Variants in RECQL5 observed in about 807,000 individuals in gnomAD.
RECQL5 encodes the protein ATP-dependent DNA helicase Q5.
Under a neutral mutation model 103.4 loss-of-function variants are expected in RECQL5, and 88 were observed. That is an observed-to-expected ratio of 0.85 (90% CI 0.72 to 1.02). The LOEUF (loss-of-function observed/expected upper bound fraction) is 1.02. RECQL5 is among the 50% of genes least tolerant of loss of function. The pLI is 0.00. For missense variants in RECQL5, 1,232 were observed against 1,284.3 expected (o/e 0.96, Z 0.62); for synonymous variants, 552 against 507.9 (o/e 1.09, Z -1.17).
chr17:75,647,329 G>A (rs1347751007), intron 8 of RECQL5: 4 of 1,491,750 alleles, frequency 2.7e-6, no homozygotes, highest in Non-Finnish European at 2.7e-6. Flanking sequence ...ACAGGGCCTG[G>A]GAGGGCTGCC....
Position 75,631,460 on chromosome 17 carries a change from C to T in RECQL5, c.1438G>A (p.Asp480Asn). ...TTCTCGGCCCCTTACCTGCTGAAGTCCCCGTAGCCCTTGCGGCCTCCCTCA... is the reference window on the plus strand; with the variant it reads ...TTCTCGGCCCCTTACCTGCTGAAGTTCCCGTAGCCCTTGCGGCCTCCCTCA... ...LYEGGRKGYG[D>N]FSRYDEGSGG... is the part of the protein sequence containing the mutation. The change falls in exon 9 of 20, where the codon GAC becomes AAC. Residue 480 changes from aspartate to asparagine, a missense_variant. Transcript: ENST00000317905. 6.2e-7 allele frequency: 1 copy of T among 1,609,970 alleles called. No homozygotes were observed. The highest frequency in any genetic ancestry group is 1.3e-5 in the African/African-American group (1 of 75,006).
chr17:75,640,718 G>A lies in RECQL5; in HGVS notation c.1230-9050C>T. 6.6e-7 allele frequency: 1 copy of A among 1,519,908 alleles called. No individual in the cohort carries two copies. Among genetic ancestry groups the A allele is most frequent in the Non-Finnish European group, 8.9e-7 (1 of 1,128,778 alleles). The allele number at this position is 1,519,908 out of a possible 1,614,324, so 94.2% of individuals were successfully genotyped here. A position where few individuals can be genotyped will look rare whatever the true frequency, so the allele number is the denominator to read the frequency against. ...GGGGAAAGACCCTGGCAGGCAGTGG[G>A]TTTCTCTGGGAGGAGGGTGGGCATC... On this transcript the variant is annotated intron_variant, in intron 8 of 19. Transcript: ENST00000317905. This position sits in a 1 kb window ranked among gnomAD's most constrained non-coding sequence, Gnocchi z 4.6.
intron 7 of RECQL5, among the ~76,000 whole-genome samples, chr17:75,652,924 A>T (rs1280544523): frequency 1.3e-5 from 2 of 151,108 alleles, no homozygotes; most frequent in Non-Finnish European, 3.0e-5. Context: ...TCTCATCTCC[A>T]CTCCTGCCTC....
At chr17:75,647,116 C>T (rs559817710) in intron 8 of RECQL5, among the ~76,000 whole-genome samples, 6 of 152,340 alleles carry the variant, frequency 3.9e-5, no homozygotes, top group Non-Finnish European at 8.8e-5. Flanking sequence ...CCAGGGGCAT[C>T]CCCTAGGAAG....
In RECQL5 at chr17:75,629,295, G is replaced by A; in HGVS notation, c.2128C>T (p.Pro710Ser). The part of the protein sequence containing the change: ...LLDEDGSEPL[P>S]GPRGEVPGGS... The stretch of plus-strand genomic sequence containing the variant: ...CCAGGGACCTCCCCTCTGGGCCCAG[G>A]GAGGGGCTCACTCCCATCCTCATCC... Residue 710 changes from proline to serine, a missense_variant, in exon 16 of 20, where the codon CCT becomes TCT. Physicochemically the swap from Pro to Ser is moderately conservative, Grantham distance 74. Coordinates refer to ENST00000317905, the MANE Select transcript of RECQL5 (RefSeq NM_004259.7). The A allele has an allele frequency of 6.3e-7, 1 of 1,588,070 alleles. No homozygotes were observed. The highest frequency in any genetic ancestry group is 8.6e-7 in the Non-Finnish European group (1 of 1,164,922).
intron 6 of RECQL5, among the ~76,000 whole-genome samples, chr17:75,660,074 GTTTGTTT>G (rs2059679461): frequency 1.3e-5 from 2 of 149,740 alleles, no homozygotes; most frequent in South Asian, 4.2e-4. Flanking sequence ...TGGTGTTTTT[GTTTGTTT>G]TTTAAGACAG....
In RECQL5 at chr17:75,629,282, C is replaced by G; in HGVS notation, c.2141G>C (p.Gly714Ala). 1.3e-6 allele frequency: 2 copies of G among 1,596,582 alleles called. No homozygotes were observed. The highest frequency in any genetic ancestry group is 1.7e-6 in the Non-Finnish European group (2 of 1,169,426). ...DGSEPLPGPR[G>A]EVPGGSAHYG... ...GTGAGCGCTGCCTCCAGGGACCTCC[C>G]CTCTGGGCCCAGGGAGGGGCTCACT... is the stretch of plus-strand genomic sequence containing the variant. The change falls in exon 16 of 20, where the codon GGG (glycine) becomes GCG (alanine). Residue 714 changes from glycine to alanine, a missense_variant. Transcript: ENST00000317905.
At position 75,627,224 on chromosome 17, in the gene RECQL5, G is replaced by A. The variant is rs557025138; in HGVS notation, c.*198C>T. 14 of 665,518 alleles carry A rather than the reference G, an allele frequency of 2.1e-5. No homozygotes were observed. The highest frequency in any genetic ancestry group is 2.0e-4 in the South Asian group (13 of 64,480). 41.2% of individuals were successfully genotyped at this position (665,518 alleles called of 1,614,324 possible). A position where few individuals can be genotyped will look rare whatever the true frequency, so the allele number is the denominator to read the frequency against. ...GGACCGCTCTGAGAAGGGTCTATAG[G>A]CTTTGCAAGCAGAAAGAAAGGTGGG... On this transcript the variant is annotated 3_prime_UTR_variant, in exon 20 of 20. Transcript: ENST00000317905.
chr17:75,629,238 C>G lies in RECQL5; in HGVS notation c.2185G>C (p.Glu729Gln), dbSNP rs779066346. ...GSAHYGGPSPEKKAKSSSGGS... is the reference protein window; with the variant it reads ...GSAHYGGPSPQKKAKSSSGGS... ...CCAGAGGAACTTTTTGCCTTCTTCT[C>G]AGGGGAGGGCCCCCCATAGTGAGCG... Residue 729 changes from glutamate to glutamine, a missense_variant, in exon 16 of 20, where the codon GAG (glutamate) becomes CAG (glutamine). Coordinates refer to ENST00000317905, the MANE Select transcript of RECQL5 (RefSeq NM_004259.7). The G allele has an allele frequency of 6.2e-7, 1 of 1,612,726 alleles. No homozygotes were observed. Among genetic ancestry groups the G allele is most frequent in the East Asian group, 2.2e-5 (1 of 44,882 alleles).
At position 75,629,337 on chromosome 17, in the gene RECQL5, G is replaced by A. The variant is rs376208710; in HGVS notation, c.2086C>T (p.Arg696Trp). 33 of 1,523,858 alleles carry A rather than the reference G, an allele frequency of 2.2e-5. No individual in the cohort carries two copies. Among genetic ancestry groups the A allele is most frequent in the East Asian group, 1.8e-4 (8 of 43,764 alleles). The allele number at this position is 1,523,858 out of a possible 1,614,324, so 94.4% of individuals were successfully genotyped here. A position where few individuals can be genotyped will look rare whatever the true frequency, so the allele number is the denominator to read the frequency against. The part of the protein sequence containing the change: ...ERGGEHEPPS[R>W]PCGLLDEDGS... ...TCCTCATCCAGGAGGCCACAGGGCC[G>A]GCTCGGGGGCTCGTGCTCGCCTCCC... The change falls in exon 16 of 20, where the codon CGG (arginine) becomes TGG (tryptophan). Residue 696 changes from arginine (R) to tryptophan (W), a missense_variant. By Grantham distance (101) the Arg-to-Trp change is moderately radical. Coordinates refer to ENST00000317905, the MANE Select transcript of RECQL5 (RefSeq NM_004259.7).
rs747890706 is a variant in RECQL5, at chr17:75,658,368, C to T, written c.1079G>A (p.Arg360His). ...AGRDGKPSWCRLYYSRNDRDQ... is the reference protein window; with the variant it reads ...AGRDGKPSWCHLYYSRNDRDQ... ...CCGGTCATTCCTGGAGTAATAGAGACGGCACCAGGAAGGCTTCCCATCCCT... is the reference window on the plus strand; with the variant it reads ...CCGGTCATTCCTGGAGTAATAGAGATGGCACCAGGAAGGCTTCCCATCCCT... The change falls in exon 7 of 20, where the codon CGT becomes CAT. Residue 360 changes from arginine to histidine, a missense_variant. Physicochemically the swap from Arg to His is conservative, Grantham distance 29. Transcript: ENST00000317905. 1.7e-5 allele frequency: 27 copies of T among 1,613,906 alleles called. No individual in the cohort carries two copies. The highest frequency in any genetic ancestry group is 8.9e-5 in the East Asian group (4 of 44,880).
In RECQL5 at chr17:75,647,242, C is replaced by G. The variant is rs571693253; in HGVS notation, c.1229+3944G>C. 3 of 722,206 alleles carry G rather than the reference C, an allele frequency of 4.2e-6. No homozygotes were observed. The South Asian group carries it at 5.7e-5, about 14-fold the overall frequency. 44.7% of individuals were successfully genotyped at this position (722,206 alleles called of 1,614,324 possible). A position where few individuals can be genotyped will look rare whatever the true frequency, so the allele number is the denominator to read the frequency against. ...AAAGACTCTAGCCCTTTCATGTCCC[C>G]TGGCTGCCAGGCGGGCCGGCTGCTC... On this transcript the variant is annotated intron_variant, in intron 8 of 19. Coordinates refer to ENST00000317905, the MANE Select transcript of RECQL5 (RefSeq NM_004259.7).
At chr17:75,647,328 G>C in intron 8 of RECQL5, 1 of 1,491,056 alleles carries the variant, frequency 6.7e-7, no homozygotes, top group East Asian at 2.5e-5. Context: ...GACAGGGCCT[G>C]GGAGGGCTGC....
At chr17:75,630,741 G>T (rs757343385) in intron 12 of RECQL5, 38 bp downstream of exon 12, 4 of 1,599,512 alleles carry the variant, frequency 2.5e-6, no homozygotes, top group Non-Finnish European at 2.6e-6. Context: ...GCTGGGGGAG[G>T]GCCCCGGCGG....
intron 8 of RECQL5, among the ~76,000 whole-genome samples, chr17:75,642,843 TGAAAAG>T (rs1229791748): frequency 3.3e-5 from 5 of 152,236 alleles, no homozygotes; most frequent in Admixed American, 6.5e-5. Flanking sequence ...TTCAACCAGC[TGAAAAG>T]GAGCAGGGCC....
At chr17:75,658,186 TG>T in intron 7 of RECQL5, 111 bp downstream of exon 7, 1 of 1,164,180 alleles carries the variant, frequency 8.6e-7, no homozygotes, top group Non-Finnish European at 1.2e-6. Context: ...ACTTACAGGT[TG>T]GGAGCAGCCT....
At chr17:75,663,067 G>A in intron 3 of RECQL5, 70 bp from the exon 4 acceptor site, 1 of 1,463,154 alleles carries the variant, frequency 6.8e-7, no homozygotes, top group Non-Finnish European at 9.2e-7. Context: ...GTCCCTGGAG[G>A]ATTTCCCAGT....
rs761781251 is a variant in RECQL5, at chr17:75,636,078, G to A, written c.1230-4410C>T. ...CTGCAGCCAGGGCACACCCTCTGAA[G>A]GCTCCAAGCAGGGCTGGCTGGGCAG... is the stretch of plus-strand genomic sequence containing the variant. On this transcript the variant is annotated intron_variant, in intron 8 of 19. Coordinates refer to ENST00000317905, the MANE Select transcript of RECQL5 (RefSeq NM_004259.7). The surrounding 1 kb of genome is among the most constrained non-coding windows in gnomAD (Gnocchi z 5.4). 6.6e-6 allele frequency among the ~76,000 whole-genome samples: 1 copy of A among 152,222 alleles called. No homozygotes were observed. The highest frequency in any genetic ancestry group is 1.5e-5 in the Non-Finnish European group (1 of 68,038).
intron 6 of RECQL5, 63 bp downstream of exon 6, chr17:75,660,892 C>A (rs963085666): frequency 1.6e-6 from 2 of 1,219,476 alleles, no homozygotes; most frequent in South Asian, 1.2e-5. Flanking sequence ...TTGGGCACAG[C>A]ACTAGGCAAT....
Sources: gnomAD v4.1 joint callset for allele counts (sites outside exome capture counted in the v4.1 genomes callset) on GRCh38, gnomAD v4.1.1 for gene constraint, Gnocchi (gnomAD v3.1) non-coding constraint, MANE v1.5 for transcripts, NCBI Gene and HGNC (gene_info 2026-07-23, HGNC 2026-07-21) for gene names.